Variants in MVB12B observed in about 807,000 individuals in gnomAD.
MVB12B encodes the protein ESCRT-I complex subunit MVB12B.
Under a neutral mutation model 41.6 loss-of-function variants are expected in MVB12B, and 16 were observed. That is an observed-to-expected ratio of 0.38 (90% confidence interval 0.26 to 0.58). The LOEUF is 0.58. Ranked by LOEUF, MVB12B falls within the 20% of genes least tolerant of loss-of-function variation. The pLI is 0.62. For missense variants in MVB12B, 274 were observed against 380.2 expected (o/e 0.72, Z 2.32); for synonymous variants, 133 against 139.7 (o/e 0.95, Z 0.34).
rs1830876585 is a variant in MVB12B, at chr9:126,389,119, G to A, written c.409+2461G>A. On this transcript the variant is annotated intron_variant, in intron 4 of 9. Transcript: ENST00000361171. The surrounding 1 kb of genome is among the most constrained non-coding windows in gnomAD (Gnocchi z 4.4). Reference sequence around the variant, plus strand: ...GGAAGTTTCTCCCTTGTGACTGGGAGTACACAGGTTGCTGTCCCAAGTGTG... The same window carrying A: ...GGAAGTTTCTCCCTTGTGACTGGGAATACACAGGTTGCTGTCCCAAGTGTG... Among the ~76,000 whole-genome samples the A allele has an allele frequency of 6.6e-6, 1 of 152,246 alleles. No individual in the cohort carries two copies. Among genetic ancestry groups the A allele is most frequent in the Admixed American group, 6.5e-5 (1 of 15,282 alleles).
At chr9:126,347,245 C>T (rs1829619631) in intron 2 of MVB12B, among the ~76,000 whole-genome samples, 1 of 152,226 alleles carries the variant, frequency 6.6e-6, no homozygotes, top group African/African-American at 2.4e-5. Context: ...TTCTTTAGCC[C>T]TTGCCCTGTC....
At chr9:126,384,947 C>G (rs1361268487) in intron 3 of MVB12B, among the ~76,000 whole-genome samples, 1 of 151,262 alleles carries the variant, frequency 6.6e-6, no homozygotes. Context: ...AACAATCCTC[C>G]TACTTCAGCT....
chr9:126,398,626 C>T (rs971175851), intron 6 of MVB12B, among the ~76,000 whole-genome samples: 3 of 152,220 alleles, frequency 2.0e-5, no homozygotes, highest in Non-Finnish European at 4.4e-5. Flanking sequence ...CTTTGTGTGG[C>T]GTGGATCGGG....
Position 126,480,600 on chromosome 9 carries a change from C to A in MVB12B, c.758-769C>A, listed in dbSNP as rs182214561. 1.3e-5 allele frequency among the ~76,000 whole-genome samples: 2 copies of A among 152,294 alleles called. No individual in the cohort carries two copies. The highest frequency in any genetic ancestry group is 6.5e-5 in the Admixed American group (1 of 15,302). The stretch of plus-strand genomic sequence containing the variant: ...TTTCTCCATCGTTGCGTCCCCGTTC[C>A]ATGCCCTTTTTCTCGTGTCCTGTTA... On this transcript the variant is annotated intron_variant, in intron 7 of 9. Coordinates refer to ENST00000361171, the MANE Select transcript of MVB12B (RefSeq NM_033446.3). The surrounding 1 kb of genome is among the most constrained non-coding windows in gnomAD (Gnocchi z 4.9).
intron 1 of MVB12B, chr9:126,335,176 G>C: frequency 1.1e-5 from 12 of 1,104,326 alleles, no homozygotes; most frequent in Non-Finnish European, 1.1e-5. Flanking sequence ...CTAGCAGCTA[G>C]TGACTTGTTG....
At chr9:126,432,379 G>A (rs1311707080) in intron 7 of MVB12B, among the ~76,000 whole-genome samples, 1 of 152,196 alleles carries the variant, frequency 6.6e-6, no homozygotes, top group African/African-American at 2.4e-5. Flanking sequence ...CCTGCCTAGA[G>A]GCAGCTTATA....
In MVB12B at chr9:126,395,722, C is replaced by T. The variant is rs371124807; in HGVS notation, c.662+25C>T. ...GGTGAGGCCTTGTCGGGGTGTCTTG[C>T]GTTGTCCTGTGGTCTTAGGTCCCTG... On this transcript the variant is annotated intron_variant, in intron 6 of 9. Coordinates refer to ENST00000361171, the MANE Select transcript of MVB12B (RefSeq NM_033446.3). The surrounding 1 kb of genome is among the most constrained non-coding windows in gnomAD (Gnocchi z 4.9). 1.3e-4 allele frequency: 216 copies of T among 1,613,146 alleles called. 1 individual carries two copies. Among genetic ancestry groups the T allele is most frequent in the East Asian group, 5.3e-4 (24 of 44,892 alleles).
chr9:126,388,340 G>A (rs1008432382), intron 4 of MVB12B, among the ~76,000 whole-genome samples: 2 of 152,176 alleles, frequency 1.3e-5, no homozygotes, highest in African/African-American at 4.8e-5. Flanking sequence ...TGTTTTCAAG[G>A]TTGGCCCACG....
At chr9:126,424,175 T>C (rs377641390) in intron 7 of MVB12B, among the ~76,000 whole-genome samples, 28 of 152,338 alleles carry the variant, frequency 1.8e-4, no homozygotes, top group African/African-American at 6.5e-4. Flanking sequence ...AATTAGAAAT[T>C]TGAAAAACAG....
At chr9:126,418,883 G>A (rs1020924604) in intron 6 of MVB12B, among the ~76,000 whole-genome samples, 1 of 152,080 alleles carries the variant, frequency 6.6e-6, no homozygotes, top group Non-Finnish European at 1.5e-5. Context: ...GAGTCTTCCC[G>A]CCTTCCATAG....
intron 2 of MVB12B, among the ~76,000 whole-genome samples, chr9:126,378,710 C>T (rs770492004): frequency 1.3e-5 from 2 of 152,026 alleles, no homozygotes; most frequent in African/African-American, 2.4e-5. Context: ...CACACTTCCA[C>T]GTCATTGCAA....
In MVB12B at chr9:126,381,094, G is replaced by A. The variant is rs1220402815; in HGVS notation, c.235G>A (p.Asp79Asn). The change falls in exon 3 of 10, where the codon GAC becomes AAC. Residue 79 changes from aspartate to asparagine, a missense_variant. Asp to Asn is a conservative substitution (Grantham distance 23). Transcript: ENST00000361171. ...ACAGACAGCAGATGGTGTGGATGCT[G>A]ACCTCTGGAAAGACGGCTTATTTAA... ...VAQTADGVDADLWKDGLFKSK... is the reference protein window; with the variant it reads ...VAQTADGVDANLWKDGLFKSK... The A allele has an allele frequency of 6.2e-7, 1 of 1,614,110 alleles. No homozygotes were observed. Among genetic ancestry groups the A allele is most frequent in the Non-Finnish European group, 8.5e-7 (1 of 1,180,016 alleles).
chr9:126,327,203 G>A, intron 1 of MVB12B, 193 bp downstream of exon 1: 1 of 974,114 alleles, frequency 1.0e-6, no homozygotes, highest in Non-Finnish European at 1.2e-6. Flanking sequence ...CCCCGAGCGC[G>A]CCGCGGCTGC....
chr9:126,469,915 T>TA lies in MVB12B; in HGVS notation c.758-11447dup, dbSNP rs529299917. 3.1e-4 allele frequency among the ~76,000 whole-genome samples: 47 copies of TA among 152,202 alleles called. No homozygotes were observed. The South Asian group carries it at 8.7e-3, about 28-fold the overall frequency. On this transcript the variant is annotated intron_variant, in intron 7 of 9. Transcript: ENST00000361171. Reference sequence around the variant, plus strand: ...CCAAGCCATTAAATATTTATAACGTTAAAAAAATGTTTCTTTAATGTCTCT... The same window carrying TA: ...CCAAGCCATTAAATATTTATAACGTTAAAAAAAATGTTTCTTTAATGTCTCT...
rs1459776483 is a variant in MVB12B at position 126,503,244 on chromosome 9, A to G, written c.941A>G (p.Gln314Arg). Reference sequence around the variant, plus strand: ...CTCCCGCCCAGCCCCACCAGGTGTCAGCAGATCCCGCAGTCCTGAGGAGCC... The same window carrying G: ...CTCCCGCCCAGCCCCACCAGGTGTCGGCAGATCCCGCAGTCCTGAGGAGCC... ...ARLPPSPTRC[Q>R]QIPQS is the part of the protein sequence containing the mutation. The change falls in exon 10 of 10, where the codon CAG becomes CGG. Residue 314 changes from glutamine (Q) to arginine (R), a missense_variant. Coordinates refer to ENST00000361171, the MANE Select transcript of MVB12B (RefSeq NM_033446.3). 1 of 1,550,264 alleles carries G rather than the reference A, an allele frequency of 6.5e-7. No individual in the cohort carries two copies. Among genetic ancestry groups the G allele is most frequent in the East Asian group, 2.4e-5 (1 of 40,914 alleles).
Position 126,365,775 on chromosome 9 carries a change from G to A in MVB12B, c.205-15289G>A, listed in dbSNP as rs542186628. Among the ~76,000 whole-genome samples the A allele has an allele frequency of 2.6e-5, 4 of 152,336 alleles. No individual in the cohort carries two copies. In the South Asian group the frequency reaches 8.3e-4, roughly 32 times the overall value. On this transcript the variant is annotated intron_variant, in intron 2 of 9. Transcript: ENST00000361171. ...GATTTCATCAAACTTTAGAGATGGA[G>A]CAGAGGAAGAGGGAAGTTTTTATTT...
chr9:126,502,537 T>TC (rs111554225), intron 9 of MVB12B, among the ~76,000 whole-genome samples: 2,797 of 148,416 alleles, frequency 0.019, 67 homozygotes, highest in African/African-American at 0.061. Context: ...TGGAGGAAGG[T>TC]CCCCCCACCG....
At chr9:126,337,211 G>A (rs917603505) in intron 1 of MVB12B, among the ~76,000 whole-genome samples, 1 of 152,092 alleles carries the variant, frequency 6.6e-6, no homozygotes, top group African/African-American at 2.4e-5. Flanking sequence ...GTTGGTAATG[G>A]AGCCCCTCTG....
At chr9:126,422,691 G>A (rs1330890799) in intron 7 of MVB12B, among the ~76,000 whole-genome samples, 6 of 152,176 alleles carry the variant, frequency 3.9e-5, no homozygotes, top group South Asian at 4.1e-4. Context: ...AATGGTGAGT[G>A]ACATTTTGAA....
Sources: allele counts gnomAD v4.1 joint callset (sites outside exome capture counted in the v4.1 genomes callset), GRCh38; gene constraint gnomAD v4.1.1; non-coding constraint Gnocchi (gnomAD v3.1); transcripts MANE v1.5; gene names NCBI Gene and HGNC (gene_info 2026-07-23, HGNC 2026-07-21).